AVIL: variants seen among roughly 807,000 people sequenced by gnomAD.
AVIL encodes the protein advillin.
Under a neutral mutation model 109.9 loss-of-function variants are expected in AVIL, and 78 were observed. The observed-to-expected ratio is 0.71, with a 90% CI of 0.59 to 0.86. The LOEUF (loss-of-function observed/expected upper bound fraction) is 0.86, where lower values mean the gene tolerates loss of function less well. Ranked by LOEUF, AVIL falls within the 40% of genes least tolerant of loss-of-function variation. The pLI, the probability that AVIL is intolerant of heterozygous loss-of-function variation, is 0.00. For synonymous variants in AVIL, 367 were observed against 379.1 expected (o/e 0.97, Z 0.37); for missense variants, 892 against 1,016.5 (o/e 0.88, Z 1.67).
rs1185338622 is a variant in AVIL, at chr12:57,799,885, A to G, written c.2256T>C (p.Asn752=). 1.2e-6 allele frequency: 2 copies of G among 1,614,168 alleles called. No individual in the cohort carries two copies. Among genetic ancestry groups the G allele is most frequent in the Non-Finnish European group, 1.7e-6 (2 of 1,180,026 alleles). The part of the protein sequence containing the change: ...MKNATLSLNS[N]DSEPKYYPIA... ...TAGGGTAATATTTTGGCTCACTGTCATTAGAATTCAGGGAGAGGGTTGCAT... is the reference window on the plus strand; with the variant it reads ...TAGGGTAATATTTTGGCTCACTGTCGTTAGAATTCAGGGAGAGGGTTGCAT... The change falls in exon 19 of 20, where the codon AAT becomes AAC. Residue 752 remains asparagine (N), a synonymous_variant. Coordinates refer to ENST00000549994, the MANE Select transcript of AVIL (RefSeq NM_006576.4).
rs1198954362 is a variant in AVIL, at chr12:57,818,645, C to A, written c.-36G>T. ...AGACCTTACCTTGCCTTCTCGCTCA[C>A]CAGCCTTCCCAGTTTCCCGGCGCGT... On this transcript the variant is annotated 5_prime_UTR_variant, in exon 1 of 20. Coordinates refer to ENST00000549994, the MANE Select transcript of AVIL (RefSeq NM_006576.4). 6.6e-6 allele frequency: 1 copy of A among 152,248 alleles called. No individual in the cohort carries two copies. The highest frequency in any genetic ancestry group is 1.5e-5 in the Non-Finnish European group (1 of 68,058). 9.4% of individuals were successfully genotyped at this position (152,248 alleles called of 1,614,324 possible). A position where few individuals can be genotyped will look rare whatever the true frequency, so the allele number is the denominator to read the frequency against.
intron 13 of AVIL, 55 bp from the exon 14 acceptor site, chr12:57,806,594 C>T: frequency 6.3e-7 from 1 of 1,582,802 alleles, no homozygotes; most frequent in South Asian, 1.1e-5. Flanking sequence ...GAGCAGAGTG[C>T]TAGAGGAGCT....
intron 13 of AVIL, among the ~76,000 whole-genome samples, chr12:57,806,766 A>G (rs537826259): frequency 5.9e-5 from 9 of 152,216 alleles, no homozygotes; most frequent in Non-Finnish European, 1.2e-4. Context: ...GCTTACCTAC[A>G]TCATTTCATT....
chr12:57,807,390 T>C lies in AVIL; in HGVS notation c.1432A>G (p.Met478Val). Residue 478 changes from methionine (M) to valine (V), a missense_variant, in exon 13 of 20, where the codon ATG (methionine) becomes GTG (valine). By Grantham distance (21) the Met-to-Val change is conservative. Transcript: ENST00000549994. ...ATGAAGTGGCGTGGCTCCGTTCCCA[T>C]CCTGACTCGAACCTGCACAGCAGCC... ...DGAAVQVRVR[M>V]GTEPRHFMAI... 1 of 1,614,214 alleles carries C rather than the reference T, an allele frequency of 6.2e-7. No individual in the cohort carries two copies. The highest frequency in any genetic ancestry group is 8.5e-7 in the Non-Finnish European group (1 of 1,180,036).
At chr12:57,807,789 C>T (rs1955973745) in intron 11 of AVIL, 62 bp from the exon 12 acceptor site, 3 of 1,604,710 alleles carry the variant, frequency 1.9e-6, no homozygotes, top group Non-Finnish European at 2.6e-6. Flanking sequence ...CTAGGCCACA[C>T]TAAAGAGAGA....
chr12:57,809,481 A>AACAT, intron 9 of AVIL, 116 bp downstream of exon 9: 1 of 1,206,334 alleles, frequency 8.3e-7, no homozygotes, highest in Non-Finnish European at 1.2e-6. Context: ...TTTGCAGTCC[A>AACAT]TGTACGTAAG....
intron 9 of AVIL, chr12:57,809,319 T>C: frequency 2.1e-6 from 1 of 477,412 alleles, no homozygotes; most frequent in South Asian, 2.4e-5. Flanking sequence ...TTACAAATGA[T>C]ATTTAATCCT....
In AVIL at chr12:57,813,566, C is replaced by T. The variant is rs1801968403; in HGVS notation, c.142-143G>A. The T allele has an allele frequency of 3.7e-6, 3 of 800,348 alleles. No homozygotes were observed. In the Admixed American group the frequency reaches 8.6e-5, roughly 23 times the overall value. The allele number at this position is 800,348 out of a possible 1,614,324, so 49.6% of individuals were successfully genotyped here. ...CTCCTGCAGTGGATGTGGGAGCTGC[C>T]CTGGCCCCCGAGCAGACCTGCGATC... is the stretch of plus-strand genomic sequence containing the variant. On this transcript the variant is annotated intron_variant, in intron 3 of 19. Coordinates refer to ENST00000549994, the MANE Select transcript of AVIL (RefSeq NM_006576.4).
chr12:57,810,891 A>C lies in AVIL; in HGVS notation c.483T>G (p.Asp161Glu). ...EMSWDSFNRG[D>E]VFLLDLGKVI... ...CTTTCCCAAGGTCCAGCAAGAAGAC[A>C]TCACCTCGGTTGAAACTGTCCCAGC... Residue 161 changes from aspartate to glutamate, a missense_variant, in exon 6 of 20, where the codon GAT (aspartate) becomes GAG (glutamate). By Grantham distance (45) the Asp-to-Glu change is conservative. Coordinates refer to ENST00000549994, the MANE Select transcript of AVIL (RefSeq NM_006576.4). The C allele has an allele frequency of 6.2e-7, 1 of 1,614,208 alleles. No homozygotes were observed. The highest frequency in any genetic ancestry group is 1.1e-5 in the South Asian group (1 of 91,080).
chr12:57,812,719 A>T (rs200507204), intron 4 of AVIL, among the ~76,000 whole-genome samples: 2 of 91,548 alleles, frequency 2.2e-5, no homozygotes, highest in Non-Finnish European at 5.6e-5. Flanking sequence ...TCTGTTTCTT[A>T]CTTTGTGTGC....
chr12:57,805,729 G>C (rs1304652997), intron 14 of AVIL: 1 of 151,442 alleles, frequency 6.6e-6, no homozygotes, highest in Non-Finnish European at 1.5e-5. Flanking sequence ...TAGAGACGGG[G>C]TTTCACTGTG....
chr12:57,808,058 C>CT, intron 11 of AVIL, 136 bp downstream of exon 11: 2 of 1,046,412 alleles, frequency 1.9e-6, no homozygotes, highest in Admixed American at 3.7e-5. Flanking sequence ...TCACAAGACT[C>CT]TTAAAGAAGA....
rs1298519772 is a variant in AVIL at position 57,813,346 on chromosome 12, GCTTTGC to G, written c.213_218del (p.Glu71_Ser73delinsAsp). ...GCTGTGTGGTATATATGGCTGCGCA[GCTTTGC>G]TCATCCTGGGAGGAGTCCTTCCCGA... On this transcript the variant is annotated inframe_deletion, in exon 4 of 20. Coordinates refer to ENST00000549994, the MANE Select transcript of AVIL (RefSeq NM_006576.4). The G allele has an allele frequency of 6.2e-7, 1 of 1,614,032 alleles. No homozygotes were observed. The highest frequency in any genetic ancestry group is 8.5e-7 in the Non-Finnish European group (1 of 1,180,036).
At chr12:57,813,767 C>T (rs539528959) in intron 3 of AVIL, among the ~76,000 whole-genome samples, 2 of 152,334 alleles carry the variant, frequency 1.3e-5, no homozygotes, top group East Asian at 3.9e-4. Context: ...CTCATCTGTA[C>T]ACCTGCACGA....
At chr12:57,809,748 C>T in intron 8 of AVIL, 53 bp from the exon 9 acceptor site, 1 of 1,613,474 alleles carries the variant, frequency 6.2e-7, no homozygotes, top group South Asian at 1.1e-5. Flanking sequence ...GAAGATTTTG[C>T]ACAGGGTCTG....
At position 57,810,398 on chromosome 12, in the gene AVIL, G is replaced by A; in HGVS notation, c.712C>T (p.Pro238Ser). The stretch of plus-strand genomic sequence containing the variant: ...TGCTTCTGATCTATGATCTCATCAG[G>A]GACTGTAGGCTTGATAATGGAGCGT... ...GRRSIIKPTVPDEIIDQKQKS... is the reference protein window; with the variant it reads ...GRRSIIKPTVSDEIIDQKQKS... Residue 238 changes from proline (P) to serine (S), a missense_variant, in exon 7 of 20, where the codon CCT becomes TCT. Coordinates refer to ENST00000549994, the MANE Select transcript of AVIL (RefSeq NM_006576.4). 6.2e-7 allele frequency: 1 copy of A among 1,614,156 alleles called. No homozygotes were observed. Among genetic ancestry groups the A allele is most frequent in the Non-Finnish European group, 8.5e-7 (1 of 1,180,032 alleles).
chr12:57,817,065 T>G (rs182373965), intron 1 of AVIL, among the ~76,000 whole-genome samples: 2 of 152,208 alleles, frequency 1.3e-5, no homozygotes, highest in East Asian at 3.9e-4. Context: ...GCATCTTGGG[T>G]AATTAAGCAC....
intron 19 of AVIL, 98 bp from the exon 20 acceptor site, chr12:57,798,093 C>A: frequency 2.9e-6 from 2 of 682,942 alleles, no homozygotes; most frequent in South Asian, 2.4e-5. Context: ...CTAGGTGGAT[C>A]CTTGAAGAGG....
intron 14 of AVIL, chr12:57,803,975 T>A (rs946657723): frequency 3.8e-6 from 1 of 265,736 alleles, no homozygotes. Context: ...AATTTAAATT[T>A]ATTTTTAAAA....
Sources: allele counts gnomAD v4.1 joint callset (sites outside exome capture counted in the v4.1 genomes callset), GRCh38; gene constraint gnomAD v4.1.1; transcripts MANE v1.5; gene names NCBI Gene and HGNC (gene_info 2026-07-23, HGNC 2026-07-21).